Variants in UBE2D2 observed in about 807,000 individuals in gnomAD.
UBE2D2 encodes the protein ubiquitin conjugating enzyme E2 D2.
A neutral mutation model predicts 24.2 loss-of-function variants in UBE2D2; 2 were observed. That is an observed-to-expected ratio of 0.08 (90% CI 0.03 to 0.26). The LOEUF (loss-of-function observed/expected upper bound fraction) is 0.26. Among genes scored for constraint, UBE2D2 ranks in the 10% least tolerant of loss-of-function variants. UBE2D2 has a pLI of 1.00. For missense variants in UBE2D2, 44 were observed against 177.6 expected, an observed-to-expected ratio of 0.25 and a Z score of 4.28; for synonymous variants, 58 against 56.5, an observed-to-expected ratio of 1.03 and a Z score of -0.12.
intron 1 of UBE2D2, among the ~76,000 whole-genome samples, chr5:139,588,812 C>T (rs1476182907): frequency 2.6e-5 from 4 of 151,920 alleles, no homozygotes; most frequent in African/African-American, 4.8e-5. Flanking sequence ...GCCCTGTCAC[C>T]CAGGGTGAAG....
chr5:139,546,768 G>A (rs983147690), intron 1 of UBE2D2, among the ~76,000 whole-genome samples: 2 of 151,900 alleles, frequency 1.3e-5, no homozygotes, highest in African/African-American at 4.8e-5. Flanking sequence ...TTACAGGCGT[G>A]AGCCACCGTG....
intron 1 of UBE2D2, among the ~76,000 whole-genome samples, chr5:139,565,876 T>A (rs1328878791): frequency 6.6e-6 from 1 of 152,214 alleles, no homozygotes; most frequent in Non-Finnish European, 1.5e-5. Context: ...TGACCAGAGT[T>A]GGATACTAAA....
In UBE2D2 at chr5:139,561,583, C is replaced by T; in HGVS notation, c.-209C>T. On this transcript the variant is annotated 5_prime_UTR_variant, in exon 1 of 7. Coordinates refer to ENST00000398733, the MANE Select transcript of UBE2D2 (RefSeq NM_003339.3). ...AGGGCGGCGGCGAATAAAGGGGCCGCCGCCGGGTGATGCGGTGACCGCTGC... is the reference window on the plus strand; with the variant it reads ...AGGGCGGCGGCGAATAAAGGGGCCGTCGCCGGGTGATGCGGTGACCGCTGC... 2.3e-6 allele frequency: 1 copy of T among 427,132 alleles called. No homozygotes were observed. Among genetic ancestry groups the T allele is most frequent in the Non-Finnish European group, 4.1e-6 (1 of 243,400 alleles). The allele number at this position is 427,132 out of a possible 1,614,324, so 26.5% of individuals were successfully genotyped here. A position where few individuals can be genotyped will look rare whatever the true frequency, so the allele number is the denominator to read the frequency against.
chr5:139,571,622 A>C (rs953849851), intron 1 of UBE2D2, among the ~76,000 whole-genome samples: 1 of 152,076 alleles, frequency 6.6e-6, no homozygotes, highest in African/African-American at 2.4e-5. Context: ...CTGTAGAGCT[A>C]TTGTGTCTCC....
intron 1 of UBE2D2, among the ~76,000 whole-genome samples, chr5:139,527,021 G>T (rs555915732): frequency 6.6e-6 from 1 of 152,070 alleles, no homozygotes; most frequent in Admixed American, 6.6e-5. Context: ...AAAAAATATG[G>T]GTCAGGCGCA....
chr5:139,591,347 C>G (rs1029062326), intron 1 of UBE2D2, among the ~76,000 whole-genome samples: 3 of 149,072 alleles, frequency 2.0e-5, no homozygotes, highest in African/African-American at 7.4e-5. Context: ...CTCAAGCTCC[C>G]GACCTCAGGT....
chr5:139,535,805 G>A (rs1184029300), intron 1 of UBE2D2, among the ~76,000 whole-genome samples: 2 of 152,350 alleles, frequency 1.3e-5, no homozygotes, highest in East Asian at 1.9e-4. Flanking sequence ...ATGTATTACA[G>A]TGAGCTCTCA....
intron 2 of UBE2D2, among the ~76,000 whole-genome samples, chr5:139,612,788 G>A (rs889177422): frequency 1.3e-5 from 2 of 152,164 alleles, no homozygotes; most frequent in East Asian, 1.9e-4. Context: ...GAGCATGTGC[G>A]TGTGTGTGTT....
intron 1 of UBE2D2, 64 bp from the exon 2 acceptor site, chr5:139,600,308 C>T (rs1440417338): frequency 6.5e-7 from 1 of 1,543,426 alleles, no homozygotes; most frequent in Non-Finnish European, 8.9e-7. Context: ...ACAATATAAA[C>T]TTTAGTAATG....
chr5:139,546,560 G>A (rs1389893248), intron 1 of UBE2D2, among the ~76,000 whole-genome samples: 3 of 151,538 alleles, frequency 2.0e-5, no homozygotes, highest in Non-Finnish European at 1.5e-5. Flanking sequence ...TCAGCTCACT[G>A]TAACCGCCAC....
chr5:139,541,893 A>T (rs1226350510), intron 1 of UBE2D2, among the ~76,000 whole-genome samples: 2 of 151,928 alleles, frequency 1.3e-5, no homozygotes, highest in Admixed American at 1.3e-4. Flanking sequence ...CTCTACTAAA[A>T]ATACAAAAAT....
At chr5:139,543,734 GACAAT>G (rs1752787878) in intron 1 of UBE2D2, among the ~76,000 whole-genome samples, 1 of 152,250 alleles carries the variant, frequency 6.6e-6, no homozygotes, top group Non-Finnish European at 1.5e-5. Context: ...GTGCTGAAGT[GACAAT>G]AGGCCCATAG....
intron 1 of UBE2D2, among the ~76,000 whole-genome samples, chr5:139,562,610 A>G (rs1753136096): frequency 6.6e-6 from 1 of 152,192 alleles, no homozygotes; most frequent in Non-Finnish European, 1.5e-5. Flanking sequence ...GCCTCTTCGC[A>G]AAATGGACTT....
chr5:139,601,169 T>C (rs1374345897), intron 2 of UBE2D2, among the ~76,000 whole-genome samples: 4 of 152,230 alleles, frequency 2.6e-5, no homozygotes, highest in Non-Finnish European at 5.9e-5. Context: ...ATGATCTTAA[T>C]GCATACATTA....
intron 1 of UBE2D2, among the ~76,000 whole-genome samples, chr5:139,538,790 T>C (rs917297413): frequency 1.3e-5 from 2 of 151,802 alleles, no homozygotes; most frequent in Non-Finnish European, 2.9e-5. Flanking sequence ...GGAGAATCAT[T>C]TGAACCCAGG....
Position 139,534,274 on chromosome 5 carries a change from A to G in UBE2D2, c.-64+7662A>G, listed in dbSNP as rs537761353. Among the ~76,000 whole-genome samples the G allele has an allele frequency of 5.5e-4, 84 of 151,936 alleles. 1 individual carries two copies. The highest frequency in any genetic ancestry group is 1.9e-3 in the African/African-American group (77 of 41,500). ...ATGGAGAAAACCGGTCTCTACTAAA[A>G]ATGCAAAATTAGCCAGGGGCAGTGG... On this transcript the variant is annotated intron_variant, in intron 1 of 6. Transcript: ENST00000511725.
At chr5:139,607,204 A>G (rs1754218198) in intron 2 of UBE2D2, among the ~76,000 whole-genome samples, 1 of 152,228 alleles carries the variant, frequency 6.6e-6, no homozygotes, top group African/African-American at 2.4e-5. Context: ...CTAAGAGTCT[A>G]GAAAGGCTTC....
At chr5:139,546,739 G>A (rs1450895632) in intron 1 of UBE2D2, among the ~76,000 whole-genome samples, 3 of 151,766 alleles carry the variant, frequency 2.0e-5, no homozygotes, top group South Asian at 4.2e-4. Context: ...ACCTGCCTTA[G>A]CCTCCCAAAG....
At chr5:139,541,105 C>G (rs956724303) in intron 1 of UBE2D2, among the ~76,000 whole-genome samples, 2 of 152,030 alleles carry the variant, frequency 1.3e-5, no homozygotes, top group Admixed American at 6.6e-5. Context: ...CGAGAGCAGC[C>G]TGGCCAACAT....
Sources: gnomAD v4.1 joint callset for allele counts (sites outside exome capture counted in the v4.1 genomes callset) on GRCh38, gnomAD v4.1.1 for gene constraint, MANE v1.5 for transcripts, NCBI Gene and HGNC (gene_info 2026-07-23, HGNC 2026-07-21) for gene names.